The following PLCB1 variants were observed in gnomAD, a reference collection of about 807,000 sequenced individuals.
PLCB1 encodes the protein 1-phosphatidylinositol 4,5-bisphosphate phosphodiesterase beta-1.
Under a neutral mutation model 161.8 loss-of-function variants are expected in PLCB1, and 46 were observed. The observed-to-expected ratio is 0.28, with a 90% CI of 0.22 to 0.36. The LOEUF is 0.36. Ranked by LOEUF, PLCB1 falls within the 10% of genes least tolerant of loss-of-function variation. PLCB1 has a pLI of 1.00. For missense variants in PLCB1, 1,016 were observed against 1,472.5 expected, an observed-to-expected ratio of 0.69 and a Z score of 5.07; for synonymous variants, 517 against 503.7, an observed-to-expected ratio of 1.03 and a Z score of -0.35.
At chr20:8,618,307 T>A (rs1249062608) in intron 3 of PLCB1, among the ~76,000 whole-genome samples, 1 of 152,202 alleles carries the variant, frequency 6.6e-6, no homozygotes, top group African/African-American at 2.4e-5. Context: ...TGCTTTTTTG[T>A]AAAATTTTTT....
At chr20:8,876,056 A>G (rs984362057) in intron 31 of PLCB1, among the ~76,000 whole-genome samples, 1 of 152,158 alleles carries the variant, frequency 6.6e-6, no homozygotes, top group Non-Finnish European at 1.5e-5. Context: ...ACTTGACCGT[A>G]TTGCCTTTTC....
At chr20:8,663,227 G>A (rs1375832583) in intron 9 of PLCB1, among the ~76,000 whole-genome samples, 3 of 151,436 alleles carry the variant, frequency 2.0e-5, no homozygotes, top group Non-Finnish European at 4.4e-5. Context: ...ACAACATATA[G>A]TTGTGTGTGT....
At chr20:8,244,983 A>T (rs76461828) in intron 2 of PLCB1, among the ~76,000 whole-genome samples, 36 of 139,170 alleles carry the variant, frequency 2.6e-4, no homozygotes, top group African/African-American at 1.2e-3. Context: ...TCTATTTTGG[A>T]GGGGGGGATG....
intron 2 of PLCB1, among the ~76,000 whole-genome samples, chr20:8,267,990 A>G (rs1306301924): frequency 8.4e-6 from 1 of 119,354 alleles, no homozygotes; most frequent in African/African-American, 3.3e-5. Flanking sequence ...ATTATACTTT[A>G]AGTTCTAGGG....
chr20:8,230,292 C>T (rs901649585), intron 2 of PLCB1, among the ~76,000 whole-genome samples: 2 of 152,044 alleles, frequency 1.3e-5, no homozygotes, highest in Admixed American at 1.3e-4. Flanking sequence ...ATTTGGGATA[C>T]ATGTGGTTAT....
chr20:8,172,566 G>A (rs964413009), intron 2 of PLCB1, among the ~76,000 whole-genome samples: 1 of 152,168 alleles, frequency 6.6e-6, no homozygotes, highest in Non-Finnish European at 1.5e-5. Context: ...CATTGTAAGG[G>A]CTTTGGCTTT....
intron 4 of PLCB1, among the ~76,000 whole-genome samples, chr20:8,633,109 C>CGT (rs1170168414): frequency 3.4e-5 from 1 of 29,262 alleles, no homozygotes; most frequent in Non-Finnish European, 7.7e-5. Flanking sequence ...TGTACACACA[C>CGT]ACACACACAC....
At chr20:8,662,197 T>C (rs1316845330) in intron 9 of PLCB1, among the ~76,000 whole-genome samples, 2 of 118,384 alleles carry the variant, frequency 1.7e-5, no homozygotes, top group African/African-American at 6.9e-5. Context: ...ATTTATTATA[T>C]AATTCTATAT....
intron 3 of PLCB1, among the ~76,000 whole-genome samples, chr20:8,422,918 A>C (rs1979600095): frequency 6.6e-6 from 1 of 152,188 alleles, no homozygotes; most frequent in Non-Finnish European, 1.5e-5. Flanking sequence ...CTATTTATAA[A>C]TGGCAATGAT....
intron 31 of PLCB1, among the ~76,000 whole-genome samples, chr20:8,798,595 C>A (rs1490467436): frequency 7.2e-6 from 1 of 138,952 alleles, no homozygotes; most frequent in South Asian, 2.3e-4. Context: ...CACACACACA[C>A]CCCTGGCCCA....
chr20:8,631,578 A>G (rs867996562), intron 4 of PLCB1, among the ~76,000 whole-genome samples: 2 of 152,146 alleles, frequency 1.3e-5, no homozygotes, highest in South Asian at 4.1e-4. Context: ...TCTCCACCAC[A>G]TTTGTTCATT....
rs192053692 is a variant in PLCB1, at chr20:8,513,472, C to T, written c.247-114822C>T. Among the ~76,000 whole-genome samples, 42 of 152,258 alleles carry T rather than the reference C, an allele frequency of 2.8e-4. 1 individual carries two copies. In the East Asian group the frequency reaches 6.0e-3, roughly 22 times the overall value. ...AATTACATTATTTTTACAGTATAAA[C>T]AATTATATTCAATTAAATGCACGAA... On this transcript the variant is annotated intron_variant, in intron 3 of 31. Coordinates refer to ENST00000338037, the MANE Select transcript of PLCB1 (RefSeq NM_015192.4).
intron 3 of PLCB1, among the ~76,000 whole-genome samples, chr20:8,485,428 G>T (rs1167136469): frequency 6.6e-6 from 1 of 152,228 alleles, no homozygotes; most frequent in Non-Finnish European, 1.5e-5. Flanking sequence ...AGGCAGAAAA[G>T]ATAATGTATT....
intron 3 of PLCB1, among the ~76,000 whole-genome samples, chr20:8,561,889 T>A (rs1986151911): frequency 6.6e-6 from 1 of 152,056 alleles, no homozygotes; most frequent in Non-Finnish European, 1.5e-5. Flanking sequence ...TAAGAACTAA[T>A]AAGCCTATTC....
At chr20:8,218,647 A>G (rs1309208359) in intron 2 of PLCB1, among the ~76,000 whole-genome samples, 1 of 151,910 alleles carries the variant, frequency 6.6e-6, no homozygotes, top group Non-Finnish European at 1.5e-5. Context: ...ACAAATAAAA[A>G]TAGGCCCTTA....
At chr20:8,413,207 T>A (rs1979120313) in intron 3 of PLCB1, among the ~76,000 whole-genome samples, 1 of 152,176 alleles carries the variant, frequency 6.6e-6, no homozygotes, top group Admixed American at 6.5e-5. Context: ...TTTATTTTAA[T>A]ATTACATATG....
chr20:8,856,616 C>CA (rs1363363205), intron 31 of PLCB1, among the ~76,000 whole-genome samples: 1 of 151,418 alleles, frequency 6.6e-6, no homozygotes, highest in Non-Finnish European at 1.5e-5. Flanking sequence ...GACTGTGTCT[C>CA]AAAAAAATAA....
At chr20:8,523,496 C>CTATATATATATATA (rs777011717) in intron 3 of PLCB1, among the ~76,000 whole-genome samples, 5 of 51,650 alleles carry the variant, frequency 9.7e-5, no homozygotes, top group Non-Finnish European at 1.1e-4. Context: ...CTCTCTCTCT[C>CTATATATATATATA]TATATATATA....
chr20:8,192,403 CA>C (rs1305785469), intron 2 of PLCB1, among the ~76,000 whole-genome samples: 1 of 151,870 alleles, frequency 6.6e-6, no homozygotes, highest in Admixed American at 6.6e-5. Context: ...CACTAAAGAA[CA>C]ACATAAAGGA....
Sources: gnomAD v4.1 joint callset for allele counts (sites outside exome capture counted in the v4.1 genomes callset) on GRCh38, gnomAD v4.1.1 for gene constraint, MANE v1.5 for transcripts, NCBI Gene and HGNC (gene_info 2026-07-23, HGNC 2026-07-21) for gene names.